The following FUT9 variants were observed in gnomAD, a reference collection of about 807,000 sequenced individuals.
FUT9 encodes 4-galactosyl-N-acetylglucosaminide 3-alpha-L-fucosyltransferase 9.
Under a neutral mutation model 29.7 loss-of-function variants are expected in FUT9, and 15 were observed. The ratio of observed to expected loss-of-function variants is 0.51; its 90% CI spans 0.34 to 0.78. The LOEUF is 0.78. Ranked by LOEUF, FUT9 falls within the 30% of genes least tolerant of loss-of-function variation. The pLI, the probability that FUT9 is intolerant of heterozygous loss-of-function variation, is 0.01. For synonymous variants in FUT9, 169 were observed against 153.7 expected, an observed-to-expected ratio of 1.10 and a Z score of -0.74; for missense variants, 319 against 425.4, an observed-to-expected ratio of 0.75 and a Z score of 2.20.
At chr6:96,042,965 T>G (rs1252487861) in intron 1 of FUT9, among the ~76,000 whole-genome samples, 1 of 152,248 alleles carries the variant, frequency 6.6e-6, no homozygotes, top group Non-Finnish European at 1.5e-5. Context: ...CCAATGGGTT[T>G]CTTGACTAAA....
chr6:96,151,717 G>A (rs561288529), intron 2 of FUT9, among the ~76,000 whole-genome samples: 2 of 152,266 alleles, frequency 1.3e-5, no homozygotes, highest in African/African-American at 2.4e-5. Flanking sequence ...TCTCTCATGA[G>A]CTCTGAGTTT....
At chr6:96,168,962 A>G (rs542726980) in intron 2 of FUT9, among the ~76,000 whole-genome samples, 13 of 152,334 alleles carry the variant, frequency 8.5e-5, no homozygotes, top group African/African-American at 3.1e-4. Flanking sequence ...AAAGCATGGC[A>G]TATGGGTACA....
At position 96,210,381 on chromosome 6, in the gene FUT9, G is replaced by A. The variant is rs1360133802; in HGVS notation, c.*6146G>A. On this transcript the variant is annotated 3_prime_UTR_variant, in exon 3 of 3. Transcript: ENST00000302103. ...TTCCAGTTGCGAGTTGCTTATAGTA[G>A]TTCGCGAACCTGAATGCACATTAGA... is the stretch of plus-strand genomic sequence containing the variant. The A allele has an allele frequency of 6.0e-6, 1 of 166,816 alleles. No homozygotes were observed. Among genetic ancestry groups the A allele is most frequent in the African/African-American group, 2.4e-5 (1 of 41,414 alleles). The allele number at this position is 166,816 out of a possible 1,614,324, so 10.3% of individuals were successfully genotyped here.
chr6:96,031,233 G>T (rs1488559384), intron 1 of FUT9, among the ~76,000 whole-genome samples: 1 of 151,510 alleles, frequency 6.6e-6, no homozygotes, highest in Admixed American at 6.6e-5. Context: ...ACATTTGAGT[G>T]TATGTGTGTA....
In FUT9 at chr6:96,129,033, G is replaced by A. The variant is rs181517755; in HGVS notation, c.-9+14906G>A. Among the ~76,000 whole-genome samples the A allele has an allele frequency of 2.8e-3, 427 of 151,236 alleles. 1 individual carries two copies. Among genetic ancestry groups the A allele is most frequent in the African/African-American group, 9.9e-3 (409 of 41,232 alleles). On this transcript the variant is annotated intron_variant, in intron 2 of 2. Transcript: ENST00000302103. Reference sequence around the variant, plus strand: ...AGCACTTTGGGAGGCCGAGGCGGGCGGATCACAAGGTCAGGAGATCGAGAC... The same window carrying A: ...AGCACTTTGGGAGGCCGAGGCGGGCAGATCACAAGGTCAGGAGATCGAGAC...
chr6:96,191,114 A>G (rs1311181917), intron 2 of FUT9, among the ~76,000 whole-genome samples: 2 of 152,010 alleles, frequency 1.3e-5, no homozygotes, highest in East Asian at 1.9e-4. Context: ...TTCTCCTTCT[A>G]ACAGTCAAGA....
At chr6:96,137,633 T>C (rs1042145416) in intron 2 of FUT9, among the ~76,000 whole-genome samples, 15 of 152,086 alleles carry the variant, frequency 9.9e-5, no homozygotes, top group Admixed American at 3.3e-4. Flanking sequence ...TAACTTGATA[T>C]GATGTGATGA....
intron 2 of FUT9, among the ~76,000 whole-genome samples, chr6:96,181,085 A>G (rs1026438546): frequency 6.6e-6 from 1 of 152,064 alleles, no homozygotes; most frequent in Admixed American, 6.6e-5. Context: ...AAAGGCTAGA[A>G]ATTGTTATTA....
intron 2 of FUT9, among the ~76,000 whole-genome samples, chr6:96,182,478 G>A (rs766824742): frequency 6.6e-6 from 1 of 151,812 alleles, no homozygotes; most frequent in Non-Finnish European, 1.5e-5. Context: ...TTGGGTTCTC[G>A]GTCATGAAAT....
intron 1 of FUT9, among the ~76,000 whole-genome samples, chr6:96,067,428 A>G (rs1770982719): frequency 6.6e-6 from 1 of 152,112 alleles, no homozygotes. Context: ...AGAAAACAGA[A>G]GTGCTTTAAA....
At chr6:96,097,123 A>G (rs1771512293) in intron 1 of FUT9, among the ~76,000 whole-genome samples, 1 of 152,232 alleles carries the variant, frequency 6.6e-6, no homozygotes, top group African/African-American at 2.4e-5. Flanking sequence ...GTCAGCATCT[A>G]GGCTACACAT....
rs559242718 is a variant in FUT9 at position 96,111,644 on chromosome 6, C to T, written c.-97-2395C>T. On this transcript the variant is annotated intron_variant, in intron 1 of 2. Transcript: ENST00000302103. ...GCCACTTCCTGGCCCTCATTATTTG[C>T]TCTCATTCTAGAAATAATTCTAAAT... Among the ~76,000 whole-genome samples the T allele has an allele frequency of 1.3e-3, 204 of 152,036 alleles. 1 individual carries two copies. The highest frequency in any genetic ancestry group is 3.4e-3 in the Middle Eastern group (1 of 294).
intron 1 of FUT9, among the ~76,000 whole-genome samples, chr6:96,086,213 A>T (rs1771314333): frequency 6.6e-6 from 1 of 152,100 alleles, no homozygotes; most frequent in Admixed American, 6.6e-5. Flanking sequence ...TATTGCCAAC[A>T]CTTTGTGTTT....
chr6:96,195,430 C>T (rs969526800), intron 2 of FUT9, among the ~76,000 whole-genome samples: 1 of 152,088 alleles, frequency 6.6e-6, no homozygotes, highest in Non-Finnish European at 1.5e-5. Context: ...GGTTCACAAA[C>T]ACAAATTTTA....
intron 1 of FUT9, among the ~76,000 whole-genome samples, chr6:96,032,322 G>A (rs1290332376): frequency 6.6e-6 from 1 of 151,402 alleles, no homozygotes; most frequent in Non-Finnish European, 1.5e-5. Context: ...ACTATGATAT[G>A]CCTTTTTAAA....
At chr6:96,126,531 A>G (rs1354998523) in intron 2 of FUT9, among the ~76,000 whole-genome samples, 1 of 152,222 alleles carries the variant, frequency 6.6e-6, no homozygotes, top group Non-Finnish European at 1.5e-5. Context: ...TCAACAAAGC[A>G]GAAAACTATT....
intron 1 of FUT9, among the ~76,000 whole-genome samples, chr6:96,077,413 G>A (rs1771157274): frequency 6.6e-6 from 1 of 152,002 alleles, no homozygotes; most frequent in African/African-American, 2.4e-5. Flanking sequence ...TTATTAATGT[G>A]CATGGTTTTC....
At chr6:96,081,143 A>AGG (rs1771230465) in intron 1 of FUT9, among the ~76,000 whole-genome samples, 1 of 151,860 alleles carries the variant, frequency 6.6e-6, no homozygotes, top group Admixed American at 6.6e-5. Flanking sequence ...AAGAAACATA[A>AGG]AAAGTATATG....
intron 2 of FUT9, among the ~76,000 whole-genome samples, chr6:96,148,861 T>G (rs967540726): frequency 7.2e-5 from 11 of 152,216 alleles, no homozygotes; most frequent in African/African-American, 2.4e-4. Flanking sequence ...TGTTAGACTT[T>G]TAACTACTTG....
Sources: allele counts gnomAD v4.1 joint callset (sites outside exome capture counted in the v4.1 genomes callset), GRCh38; gene constraint gnomAD v4.1.1; transcripts MANE v1.5; gene names NCBI Gene and HGNC (gene_info 2026-07-23, HGNC 2026-07-21).